Variants in PAPPA2 observed in about 807,000 individuals in gnomAD.
The protein encoded by PAPPA2 is pappalysin 2, also known as pappalysin-2.
A neutral mutation model predicts 176.4 loss-of-function variants in PAPPA2; 86 were observed. The observed-to-expected ratio is 0.49, with a 90% CI of 0.41 to 0.58. PAPPA2 has a LOEUF of 0.58. Ranked by LOEUF, PAPPA2 falls within the 20% of genes least tolerant of loss-of-function variation. PAPPA2 has a pLI of 0.00. For missense variants in PAPPA2, 2,073 were observed against 2,256.9 expected (o/e 0.92, Z 1.65); for synonymous variants, 809 against 852.2 (o/e 0.95, Z 0.88).
rs747402859 is a variant in PAPPA2, at chr1:176,765,785, A to C, written c.4271A>C (p.Gln1424Pro). The C allele has an allele frequency of 3.1e-6, 5 of 1,614,118 alleles. No homozygotes were observed. In the South Asian group the frequency reaches 5.5e-5, roughly 18 times the overall value. The change falls in exon 15 of 23, where the codon CAA becomes CCA. Residue 1424 changes from glutamine to proline, a missense_variant. By Grantham distance (76) the Gln-to-Pro change is moderately conservative. Transcript: ENST00000367662. ...CTCATGAAGTGTGCTATCACTTGTCAAAGGGGATTTGCCCTTCAGGCCAGC... is the reference window on the plus strand; with the variant it reads ...CTCATGAAGTGTGCTATCACTTGTCCAAGGGGATTTGCCCTTCAGGCCAGC... ...PGLMKCAITCQRGFALQASSG... is the reference protein window; with the variant it reads ...PGLMKCAITCPRGFALQASSG...
chr1:176,612,207 A>G (rs1043218149), intron 3 of PAPPA2, among the ~76,000 whole-genome samples: 1 of 152,136 alleles, frequency 6.6e-6, no homozygotes. Flanking sequence ...CAGCCTGGCC[A>G]ATATGGTGGA....
chr1:176,567,706 T>G (rs1191840280), intron 2 of PAPPA2, among the ~76,000 whole-genome samples: 1 of 152,226 alleles, frequency 6.6e-6, no homozygotes, highest in African/African-American at 2.4e-5. Flanking sequence ...AATAACAAAT[T>G]ATATGTGTAT....
At chr1:176,731,290 G>A (rs1317508367) in intron 12 of PAPPA2, among the ~76,000 whole-genome samples, 5 of 151,036 alleles carry the variant, frequency 3.3e-5, no homozygotes, top group African/African-American at 4.9e-5. Flanking sequence ...ACACACACAC[G>A]TTGTACACTG....
intron 21 of PAPPA2, among the ~76,000 whole-genome samples, chr1:176,805,259 C>T (rs1302590570): frequency 6.6e-6 from 1 of 152,116 alleles, no homozygotes; most frequent in Non-Finnish European, 1.5e-5. Context: ...TTACATAGAA[C>T]TGATTAGTTT....
At chr1:176,710,248 G>A (rs61823018) in intron 11 of PAPPA2, 72 bp downstream of exon 11, 17,956 of 1,350,990 alleles carry the variant, frequency 0.013, 265 homozygotes, top group Non-Finnish European at 0.012. Flanking sequence ...GCTTACACTT[G>A]GGGTCTATGT....
At chr1:176,541,623 C>T (rs190368895) in intron 1 of PAPPA2, among the ~76,000 whole-genome samples, 1 of 152,278 alleles carries the variant, frequency 6.6e-6, no homozygotes, top group Non-Finnish European at 1.5e-5. Context: ...CAAACATCCA[C>T]GTAGATGAAA....
chr1:176,485,659 G>T (rs556963504), intron 1 of PAPPA2, among the ~76,000 whole-genome samples: 1 of 152,300 alleles, frequency 6.6e-6, no homozygotes, highest in African/African-American at 2.4e-5. Flanking sequence ...AGCTGCAAGA[G>T]AGCAGGATTT....
chr1:176,490,315 G>T (rs1234092647), intron 1 of PAPPA2, among the ~76,000 whole-genome samples: 1 of 152,158 alleles, frequency 6.6e-6, no homozygotes, highest in Non-Finnish European at 1.5e-5. Flanking sequence ...AACAAGAAGT[G>T]TCAATTCAAA....
intron 21 of PAPPA2, among the ~76,000 whole-genome samples, chr1:176,836,972 A>G (rs1667294919): frequency 6.6e-6 from 1 of 152,202 alleles, no homozygotes; most frequent in Admixed American, 6.5e-5. Context: ...ACCCATAGAC[A>G]GCAGACAGGG....
chr1:176,513,661 A>G (rs964274005), intron 1 of PAPPA2, among the ~76,000 whole-genome samples: 4 of 152,080 alleles, frequency 2.6e-5, no homozygotes. Context: ...TCTGGTCTCA[A>G]TTTCCTTATT....
At chr1:176,495,488 G>C (rs10753128) in intron 1 of PAPPA2, among the ~76,000 whole-genome samples, 56,707 of 149,042 alleles carry the variant, frequency 0.38, 12,804 homozygotes, top group African/African-American at 0.62. Flanking sequence ...TGCAGTGAGC[G>C]AAGATCATGC....
chr1:176,603,775 T>A (rs1459563557), intron 3 of PAPPA2, among the ~76,000 whole-genome samples: 1 of 152,200 alleles, frequency 6.6e-6, no homozygotes, highest in Non-Finnish European at 1.5e-5. Flanking sequence ...TCTGGATTAT[T>A]GCAATAGTCT....
intron 15 of PAPPA2, among the ~76,000 whole-genome samples, chr1:176,766,974 T>A (rs1048094565): frequency 1.3e-5 from 2 of 152,108 alleles, no homozygotes; most frequent in African/African-American, 4.8e-5. Flanking sequence ...TCCACTTGCT[T>A]AGAGATGTCA....
chr1:176,840,189 G>T lies in PAPPA2; in HGVS notation c.5219G>T (p.Gly1740Val). The T allele has an allele frequency of 6.2e-7, 1 of 1,613,280 alleles. No homozygotes were observed. Among genetic ancestry groups the T allele is most frequent in the Non-Finnish European group, 8.5e-7 (1 of 1,179,516 alleles). Residue 1740 changes from glycine to valine, a missense_variant, in exon 22 of 23, where the codon GGT becomes GTT. Coordinates refer to ENST00000367662, the MANE Select transcript of PAPPA2 (RefSeq NM_020318.3). ...IQSCEPFQAD[G>V]WCDTINNRAY... ...TCCCTACAGCCCTTCCAAGCAGATGGTTGGTGTGACACTATCAACAACCGA... is the reference window on the plus strand; with the variant it reads ...TCCCTACAGCCCTTCCAAGCAGATGTTTGGTGTGACACTATCAACAACCGA...
At chr1:176,697,680 G>A (rs906693509) in intron 7 of PAPPA2, among the ~76,000 whole-genome samples, 9 of 152,170 alleles carry the variant, frequency 5.9e-5, no homozygotes, top group African/African-American at 2.2e-4. Flanking sequence ...ACCTAAAATA[G>A]CTCCCAGCCT....
At chr1:176,796,229 A>G (rs554589406) in intron 20 of PAPPA2, among the ~76,000 whole-genome samples, 78 of 152,344 alleles carry the variant, frequency 5.1e-4, no homozygotes, top group African/African-American at 1.9e-3. Context: ...CAAGTGTCCC[A>G]TCACTGGAGG....
chr1:176,523,823 A>G (rs1026608096), intron 1 of PAPPA2, among the ~76,000 whole-genome samples: 5 of 152,222 alleles, frequency 3.3e-5, no homozygotes, highest in African/African-American at 7.2e-5. Flanking sequence ...AATCAGAGAC[A>G]TAAGGATTAC....
At chr1:176,737,566 G>T (rs184921769) in intron 12 of PAPPA2, among the ~76,000 whole-genome samples, 60 of 152,178 alleles carry the variant, frequency 3.9e-4, no homozygotes, top group African/African-American at 1.1e-3. Flanking sequence ...ACTTGTCTCT[G>T]TTTGCTTTGT....
At chr1:176,810,765 G>T (rs1666115483) in intron 21 of PAPPA2, among the ~76,000 whole-genome samples, 1 of 152,200 alleles carries the variant, frequency 6.6e-6, no homozygotes, top group African/African-American at 2.4e-5. Context: ...CTGTGGGGGT[G>T]AGGTCCAGCA....
Sources: gnomAD v4.1 joint callset for allele counts (sites outside exome capture counted in the v4.1 genomes callset) on GRCh38, gnomAD v4.1.1 for gene constraint, MANE v1.5 for transcripts, NCBI Gene and HGNC (gene_info 2026-07-23, HGNC 2026-07-21) for gene names.